Variants in RSPO4 observed in about 807,000 individuals in gnomAD.
The protein encoded by RSPO4 is R-spondin-4.
In RSPO4, 23 loss-of-function variants were observed where a neutral mutation model predicts 24.8. The observed-to-expected ratio is 0.93, with a 90% confidence interval of 0.67 to 1.31. The LOEUF is 1.31. RSPO4 is among the 40% of genes most tolerant of loss of function. The pLI, the probability that RSPO4 is intolerant of heterozygous loss-of-function variation, is 0.00. For missense variants in RSPO4, 333 were observed against 316.5 expected (o/e 1.05, Z -0.39); for synonymous variants, 141 against 127.4 (o/e 1.11, Z -0.72).
chr20:989,532 G>T (rs995177689), intron 1 of RSPO4, among the ~76,000 whole-genome samples: 1 of 152,156 alleles, frequency 6.6e-6, no homozygotes, highest in Admixed American at 6.5e-5. Flanking sequence ...ATGCCAGTAG[G>T]GAGGAGTTGA....
At chr20:967,070 G>A (rs1984226510) in intron 3 of RSPO4, 104 bp downstream of exon 3, 1 of 1,159,824 alleles carries the variant, frequency 8.6e-7, no homozygotes, top group Non-Finnish European at 1.2e-6. Context: ...CTCACCATAT[G>A]GCATTCTACT....
Position 959,102 on chromosome 20 carries a change from G to C in RSPO4, c.*1255C>G, listed in dbSNP as rs1348394977. On this transcript the variant is annotated 3_prime_UTR_variant, in exon 5 of 5. Coordinates refer to ENST00000217260, the MANE Select transcript of RSPO4 (RefSeq NM_001029871.4). ...GTGGGCGAGTGTGGTGGTGGGTGTG[G>C]GGGAGTGTGGTGGTGGGTGTGGGGC... The C allele has an allele frequency of 1.3e-5, 2 of 149,664 alleles. No homozygotes were observed. The highest frequency in any genetic ancestry group is 2.0e-4 in the South Asian group (1 of 4,950). 9.3% of individuals were successfully genotyped at this position (149,664 alleles called of 1,614,324 possible). A position where few individuals can be genotyped will look rare whatever the true frequency, so the allele number is the denominator to read the frequency against.
chr20:964,697 C>T (rs570423139), intron 3 of RSPO4, among the ~76,000 whole-genome samples: 36 of 138,746 alleles, frequency 2.6e-4, no homozygotes, highest in African/African-American at 5.9e-4. Flanking sequence ...TATATATATA[C>T]ACACACACAC....
chr20:963,888 T>C, intron 4 of RSPO4, 47 bp downstream of exon 4: 3 of 1,588,050 alleles, frequency 1.9e-6, no homozygotes, highest in Non-Finnish European at 2.6e-6. Flanking sequence ...GCCCTGTCCC[T>C]GTGGGCCTTT....
chr20:983,299 A>G (rs914784435), intron 1 of RSPO4, among the ~76,000 whole-genome samples: 1 of 151,878 alleles, frequency 6.6e-6, no homozygotes, highest in Admixed American at 6.5e-5. Context: ...GCAGTTTCCT[A>G]TCGGAAAAGC....
At chr20:968,722 C>T (rs952798950) in intron 1 of RSPO4, among the ~76,000 whole-genome samples, 2 of 152,196 alleles carry the variant, frequency 1.3e-5, no homozygotes, top group African/African-American at 4.8e-5. Context: ...GTGAGACCCT[C>T]ACCCTCCTGC....
intron 1 of RSPO4, among the ~76,000 whole-genome samples, chr20:991,995 GGGAAGTGAATGAC>G (rs1434324386): frequency 6.6e-6 from 1 of 151,744 alleles, no homozygotes; most frequent in African/African-American, 2.4e-5. Context: ...AGGGAGGCGG[GGGAAGTGAATGAC>G]GGGGGTGGTG....
intron 4 of RSPO4, 83 bp downstream of exon 4, chr20:963,852 T>C: frequency 2.2e-6 from 3 of 1,384,490 alleles, no homozygotes; most frequent in Non-Finnish European, 3.1e-6. Flanking sequence ...TCATAGATAC[T>C]ATTTGTGGGG....
intron 1 of RSPO4, among the ~76,000 whole-genome samples, chr20:979,473 C>T (rs573427114): frequency 6.6e-6 from 1 of 152,322 alleles, no homozygotes; most frequent in Admixed American, 6.5e-5. Context: ...CGTAGAAACA[C>T]TTATTTGCTG....
At chr20:985,200 CCCAT>C (rs149715063) in intron 1 of RSPO4, among the ~76,000 whole-genome samples, 66 of 109,430 alleles carry the variant, frequency 6.0e-4, no homozygotes, top group Middle Eastern at 5.2e-3. Flanking sequence ...TCTATCCATC[CCCAT>C]CCATCCATCC....
intron 1 of RSPO4, 36 bp from the exon 2 acceptor site, chr20:968,174 G>A: frequency 6.3e-7 from 1 of 1,598,384 alleles, no homozygotes; most frequent in South Asian, 1.1e-5. Context: ...AGGGGGAAAG[G>A]GAGAGAGAGA....
chr20:969,796 A>T (rs1466762309), intron 1 of RSPO4, among the ~76,000 whole-genome samples: 1 of 152,156 alleles, frequency 6.6e-6, no homozygotes, highest in Non-Finnish European at 1.5e-5. Flanking sequence ...TCACTAAGTG[A>T]CAGGAAAGGA....
rs2098468936 is a variant in RSPO4, at chr20:981,962, G to A, written c.80-13824C>T. On this transcript the variant is annotated intron_variant, in intron 1 of 4. Transcript: ENST00000217260. The surrounding 1 kb of genome is among the most constrained non-coding windows in gnomAD (Gnocchi z 4.6). ...ACCTGCCCTGGACCACATCTATTCT[G>A]CCCTCCATTAGCTACTCATTAAGAG... is the stretch of plus-strand genomic sequence containing the variant. 6.6e-6 allele frequency among the ~76,000 whole-genome samples: 1 copy of A among 152,080 alleles called. No homozygotes were observed. Among genetic ancestry groups the A allele is most frequent in the Non-Finnish European group, 1.5e-5 (1 of 68,022 alleles).
At chr20:994,849 C>A (rs1985223703) in intron 1 of RSPO4, among the ~76,000 whole-genome samples, 1 of 152,194 alleles carries the variant, frequency 6.6e-6, no homozygotes, top group African/African-American at 2.4e-5. Context: ...CAGGCGTGAG[C>A]CACTGCGCCT....
intron 1 of RSPO4, 132 bp downstream of exon 1, chr20:1,001,954 C>A: frequency 1.4e-6 from 1 of 710,528 alleles, no homozygotes; most frequent in East Asian, 2.9e-5. Context: ...GGTTGAGACT[C>A]GTCTGGAGGA....
In RSPO4 at chr20:983,398, C is replaced by T. The variant is rs146494972; in HGVS notation, c.80-15260G>A. On this transcript the variant is annotated intron_variant, in intron 1 of 4. Transcript: ENST00000217260. ...CAAGATGAAATGTGACATGAGAGAT[C>T]GATTCCTAAAATGAATGAGTTGAGC... 1.4e-4 allele frequency among the ~76,000 whole-genome samples: 22 copies of T among 152,328 alleles called. No individual in the cohort carries two copies. The South Asian group carries it at 1.5e-3, about 10-fold the overall frequency.
intron 1 of RSPO4, among the ~76,000 whole-genome samples, chr20:990,977 C>T (rs763466508): frequency 2.6e-5 from 4 of 152,314 alleles, no homozygotes; most frequent in Middle Eastern, 3.4e-3. Flanking sequence ...CGCAACTGAG[C>T]GTCCCACTAG....
chr20:962,538 T>C (rs1984034503), intron 4 of RSPO4, among the ~76,000 whole-genome samples: 1 of 152,324 alleles, frequency 6.6e-6, no homozygotes, highest in South Asian at 2.1e-4. Context: ...AGAAGAACTG[T>C]CTGCCTCCTG....
At chr20:974,849 T>A (rs751526507) in intron 1 of RSPO4, among the ~76,000 whole-genome samples, 3 of 152,154 alleles carry the variant, frequency 2.0e-5, no homozygotes, top group Non-Finnish European at 2.9e-5. Context: ...TGGGGATCCA[T>A]AAATTCTCTT....
Sources: gnomAD v4.1 joint callset for allele counts (sites outside exome capture counted in the v4.1 genomes callset) on GRCh38, gnomAD v4.1.1 for gene constraint, Gnocchi (gnomAD v3.1) non-coding constraint, MANE v1.5 for transcripts, NCBI Gene and HGNC (gene_info 2026-07-23, HGNC 2026-07-21) for gene names.